The following TBC1D4 variants were observed in gnomAD, a reference collection of about 807,000 sequenced individuals.
TBC1D4 encodes the protein TBC1 domain family member 4.
In TBC1D4, 121 loss-of-function variants were observed where a neutral mutation model predicts 142.5. That is an observed-to-expected ratio of 0.85 (90% CI 0.73 to 0.99). The LOEUF is 0.99. Among genes scored for constraint, TBC1D4 ranks in the 50% least tolerant of loss-of-function variants. The probability of loss-of-function intolerance (pLI) is 0.00; values close to 1 mark genes in which losing one functional copy is unlikely to be tolerated. For missense variants in TBC1D4, 1,475 were observed against 1,606.6 expected (o/e 0.92, Z 1.40); for synonymous variants, 630 against 628.2 (o/e 1.00, Z -0.04).
chr13:75,327,955 G>T (rs1879419799), intron 8 of TBC1D4, 129 bp from the exon 9 acceptor site: 2 of 916,128 alleles, frequency 2.2e-6, no homozygotes, highest in Non-Finnish European at 3.5e-6. Flanking sequence ...ACTTAAATTT[G>T]TTGGCTTTAT....
intron 1 of TBC1D4, among the ~76,000 whole-genome samples, chr13:75,469,480 A>C (rs1256702707): frequency 6.6e-6 from 1 of 152,180 alleles, no homozygotes; most frequent in Non-Finnish European, 1.5e-5. Flanking sequence ...CATACAAAAA[A>C]TGAATTTTGG....
At chr13:75,419,287 G>A (rs975816988) in intron 1 of TBC1D4, among the ~76,000 whole-genome samples, 6 of 152,094 alleles carry the variant, frequency 3.9e-5, no homozygotes, top group Admixed American at 6.5e-5. Context: ...CCTCTCTACC[G>A]TTCTGCCTCT....
At chr13:75,326,054 G>T in intron 10 of TBC1D4, 143 bp downstream of exon 10, 1 of 920,824 alleles carries the variant, frequency 1.1e-6, no homozygotes, top group African/African-American at 1.6e-5. Flanking sequence ...CCTAGTAAAT[G>T]AGGTAACTTA....
intron 1 of TBC1D4, among the ~76,000 whole-genome samples, chr13:75,381,308 T>C (rs2138256376): frequency 1.3e-5 from 2 of 152,322 alleles, no homozygotes; most frequent in East Asian, 3.9e-4. Context: ...ATTTGTCCAG[T>C]GGGTGAATGG....
intron 18 of TBC1D4, among the ~76,000 whole-genome samples, chr13:75,292,850 C>T (rs1017350700): frequency 1.3e-5 from 2 of 152,120 alleles, no homozygotes; most frequent in African/African-American, 2.4e-5. Flanking sequence ...ACATGCAATA[C>T]TTTTGAAAAG....
In TBC1D4 at chr13:75,370,320, T is replaced by C. The variant is rs549468035; in HGVS notation, c.499-7713A>G. 2.6e-5 allele frequency among the ~76,000 whole-genome samples: 4 copies of C among 152,224 alleles called. No individual in the cohort carries two copies. The South Asian group carries it at 6.2e-4, about 24-fold the overall frequency. ...ATTTTGGCTTCTACTCTTGGTGAGA[T>C]AGAAAGCCCCTGGTACAGTGCAGTG... On this transcript the variant is annotated intron_variant, in intron 1 of 20. Coordinates refer to ENST00000377636, the MANE Select transcript of TBC1D4 (RefSeq NM_014832.5).
chr13:75,471,007 G>T (rs1888376755), intron 1 of TBC1D4, among the ~76,000 whole-genome samples: 2 of 151,388 alleles, frequency 1.3e-5, no homozygotes, highest in South Asian at 4.2e-4. Context: ...AAAACTATAT[G>T]GTGGGCTTAG....
In TBC1D4 at chr13:75,380,518, C is replaced by T. The variant is rs139860922; in HGVS notation, c.499-17911G>A. On this transcript the variant is annotated intron_variant, in intron 1 of 20. Transcript: ENST00000377636. Reference sequence around the variant, plus strand: ...TTTTTAAATCTGTCTGTCTCTAGAACGGTAATGAACTAGATAAGATTTTTT... The same window carrying T: ...TTTTTAAATCTGTCTGTCTCTAGAATGGTAATGAACTAGATAAGATTTTTT... Among the ~76,000 whole-genome samples, 196 of 144,646 alleles carry T rather than the reference C, an allele frequency of 1.4e-3. 1 individual carries two copies. Among genetic ancestry groups the T allele is most frequent in the African/African-American group, 4.5e-3 (181 of 40,148 alleles). The allele number at this position is 144,646 out of a possible 152,430, so 94.9% of individuals were successfully genotyped here.
At chr13:75,343,148 G>A (rs1880852018) in intron 5 of TBC1D4, among the ~76,000 whole-genome samples, 1 of 152,128 alleles carries the variant, frequency 6.6e-6, no homozygotes, top group South Asian at 2.1e-4. Flanking sequence ...GAGGTGCCAG[G>A]CAACTGAAGT....
Position 75,402,937 on chromosome 13 carries a change from T to A in TBC1D4, c.499-40330A>T, listed in dbSNP as rs141702781. Among the ~76,000 whole-genome samples, 802 of 152,234 alleles carry A rather than the reference T, an allele frequency of 5.3e-3. 12 individuals are homozygous for A. Among genetic ancestry groups the A allele is most frequent in the African/African-American group, 0.019 (775 of 41,530 alleles). On this transcript the variant is annotated intron_variant, in intron 1 of 20. Transcript: ENST00000377636. The stretch of plus-strand genomic sequence containing the variant: ...GAACATCTTCCATCCCCTGTCAAAA[T>A]CAGAGGAAGCTGTGAAGCCTGCCAG...
chr13:75,296,360 T>A (rs537153835), intron 17 of TBC1D4, among the ~76,000 whole-genome samples: 1 of 152,106 alleles, frequency 6.6e-6, no homozygotes, highest in South Asian at 2.1e-4. Flanking sequence ...AAAGTCTAAT[T>A]AGCAGCATAA....
intron 1 of TBC1D4, among the ~76,000 whole-genome samples, chr13:75,472,973 G>A (rs1888477795): frequency 6.6e-6 from 1 of 152,156 alleles, no homozygotes. Flanking sequence ...AGCCATGTAA[G>A]GACCAAAAAC....
At chr13:75,423,940 T>C (rs180850441) in intron 1 of TBC1D4, among the ~76,000 whole-genome samples, 31 of 152,270 alleles carry the variant, frequency 2.0e-4, no homozygotes, top group African/African-American at 7.5e-4. Flanking sequence ...ACTGTACACT[T>C]TAAAATAGTT....
At chr13:75,309,823 T>C (rs1419688388) in intron 14 of TBC1D4, 119 bp downstream of exon 14, 1 of 938,972 alleles carries the variant, frequency 1.1e-6, no homozygotes, top group African/African-American at 1.6e-5. Context: ...GTATTCTTCT[T>C]AAAGTGTGCA....
At chr13:75,440,713 C>T (rs969232816) in intron 1 of TBC1D4, among the ~76,000 whole-genome samples, 10 of 150,982 alleles carry the variant, frequency 6.6e-5, no homozygotes, top group African/African-American at 1.5e-4. Context: ...ACCAGCACAC[C>T]CAGCTACTTT....
chr13:75,402,270 T>C (rs1469424358), intron 1 of TBC1D4, among the ~76,000 whole-genome samples: 1 of 152,204 alleles, frequency 6.6e-6, no homozygotes, highest in Non-Finnish European at 1.5e-5. Flanking sequence ...TACTTCTTAA[T>C]ATACAACAAG....
At chr13:75,386,390 T>C (rs1884171302) in intron 1 of TBC1D4, among the ~76,000 whole-genome samples, 1 of 147,288 alleles carries the variant, frequency 6.8e-6, no homozygotes, top group African/African-American at 2.5e-5. Flanking sequence ...CTTTTTCTTT[T>C]TCTTTTTTTT....
intron 1 of TBC1D4, among the ~76,000 whole-genome samples, chr13:75,409,243 A>G (rs1233953745): frequency 6.6e-6 from 1 of 152,244 alleles, no homozygotes; most frequent in Non-Finnish European, 1.5e-5. Context: ...CAATGTTTGT[A>G]TCACAGTAAT....
At chr13:75,460,908 G>A (rs1887939692) in intron 1 of TBC1D4, among the ~76,000 whole-genome samples, 1 of 152,088 alleles carries the variant, frequency 6.6e-6, no homozygotes, top group Admixed American at 6.6e-5. Context: ...GGGTAACAGA[G>A]CAAGATCCTG....
Sources: allele counts gnomAD v4.1 joint callset (sites outside exome capture counted in the v4.1 genomes callset), GRCh38; gene constraint gnomAD v4.1.1; transcripts MANE v1.5; gene names NCBI Gene and HGNC (gene_info 2026-07-23, HGNC 2026-07-21).